Variants in KCNT2 observed in about 807,000 individuals in gnomAD.
KCNT2 encodes the protein potassium sodium-activated channel subfamily T member 2.
A neutral mutation model predicts 153.8 loss-of-function variants in KCNT2; 67 were observed. The ratio of observed to expected loss-of-function variants is 0.44; its 90% CI spans 0.36 to 0.53. The LOEUF (loss-of-function observed/expected upper bound fraction) is 0.53. KCNT2 is among the 20% of genes least tolerant of loss of function. The probability of loss-of-function intolerance (pLI) is 0.00; values close to 1 mark genes in which losing one functional copy is unlikely to be tolerated. For synonymous variants in KCNT2, 500 were observed against 458.8 expected (o/e 1.09, Z -1.15); for missense variants, 975 against 1,354.8 (o/e 0.72, Z 4.40).
At chr1:196,336,280 T>G (rs963254266) in intron 16 of KCNT2, among the ~76,000 whole-genome samples, 1 of 152,080 alleles carries the variant, frequency 6.6e-6, no homozygotes, top group Non-Finnish European at 1.5e-5. Flanking sequence ...CCTTAGCTTT[T>G]GTAATTATTA....
intron 22 of KCNT2, among the ~76,000 whole-genome samples, chr1:196,295,642 A>T (rs1470520360): frequency 6.6e-6 from 1 of 152,058 alleles, no homozygotes; most frequent in Non-Finnish European, 1.5e-5. Context: ...ACTCCTTTTA[A>T]CTACAGTATA....
At chr1:196,474,237 A>T (rs1678339839) in intron 5 of KCNT2, among the ~76,000 whole-genome samples, 1 of 152,198 alleles carries the variant, frequency 6.6e-6, no homozygotes, top group African/African-American at 2.4e-5. Context: ...GAGCACTTTA[A>T]AAATTATATT....
chr1:196,403,765 A>G (rs1476614179), intron 12 of KCNT2, among the ~76,000 whole-genome samples: 2 of 151,634 alleles, frequency 1.3e-5, no homozygotes, highest in East Asian at 2.0e-4. Flanking sequence ...TTTTTTAAAA[A>G]GTAAGTGAGA....
intron 3 of KCNT2, among the ~76,000 whole-genome samples, chr1:196,486,021 A>G (rs1404858060): frequency 6.6e-6 from 1 of 152,006 alleles, no homozygotes; most frequent in Non-Finnish European, 1.5e-5. Flanking sequence ...TGAATACCTA[A>G]TAAGAAGAGA....
chr1:196,583,245 G>A (rs1413961306), intron 1 of KCNT2, among the ~76,000 whole-genome samples: 1 of 152,106 alleles, frequency 6.6e-6, no homozygotes, highest in Non-Finnish European at 1.5e-5. Context: ...AATGAGATCT[G>A]TAGTGAACCA....
At chr1:196,592,193 T>A (rs868419364) in intron 1 of KCNT2, among the ~76,000 whole-genome samples, 1 of 151,674 alleles carries the variant, frequency 6.6e-6, no homozygotes, top group Non-Finnish European at 1.5e-5. Flanking sequence ...TAAAAAAAAA[T>A]GAGATTCTGT....
chr1:196,592,614 TC>T (rs1456219612), intron 1 of KCNT2, among the ~76,000 whole-genome samples: 2 of 147,310 alleles, frequency 1.4e-5, no homozygotes, highest in African/African-American at 4.9e-5. Flanking sequence ...ATATGTGCTA[TC>T]AAATGCTTCC....
At chr1:196,594,565 G>A (rs956878999) in intron 1 of KCNT2, among the ~76,000 whole-genome samples, 1 of 151,996 alleles carries the variant, frequency 6.6e-6, no homozygotes, top group Non-Finnish European at 1.5e-5. Context: ...GATCCAAAAC[G>A]AATTAAAGAC....
intron 21 of KCNT2, among the ~76,000 whole-genome samples, chr1:196,307,137 T>C (rs535859609): frequency 6.6e-6 from 1 of 152,202 alleles, no homozygotes; most frequent in Admixed American, 6.6e-5. Context: ...TGACCTTAAA[T>C]TCATTACAGA....
chr1:196,358,265 C>G (rs753360129), intron 14 of KCNT2, among the ~76,000 whole-genome samples: 2 of 151,638 alleles, frequency 1.3e-5, no homozygotes, highest in Non-Finnish European at 2.9e-5. Flanking sequence ...AGCAATCACT[C>G]TTTTAATTTC....
intron 1 of KCNT2, among the ~76,000 whole-genome samples, chr1:196,588,263 A>G (rs1388802452): frequency 1.4e-5 from 1 of 71,342 alleles, no homozygotes; most frequent in Non-Finnish European, 4.2e-5. Flanking sequence ...TGTGAATTAA[A>G]TAGATGGGAA....
chr1:196,245,751 A>G (rs931063114), intron 26 of KCNT2, among the ~76,000 whole-genome samples: 2 of 152,196 alleles, frequency 1.3e-5, no homozygotes, highest in African/African-American at 4.8e-5. Flanking sequence ...GTCTCTTAAC[A>G]GAAGAATTAG....
chr1:196,270,850 T>TGTGCGC (rs1657999980), intron 25 of KCNT2, among the ~76,000 whole-genome samples: 1 of 151,622 alleles, frequency 6.6e-6, no homozygotes, highest in African/African-American at 2.4e-5. Flanking sequence ...TGTGTGTGTG[T>TGTGCGC]GCATGTATGT....
chr1:196,243,109 CAAG>C (rs1655104409), intron 26 of KCNT2, among the ~76,000 whole-genome samples: 1 of 152,154 alleles, frequency 6.6e-6, no homozygotes, highest in African/African-American at 2.4e-5. Flanking sequence ...TCACTGATTT[CAAG>C]AAGCAGTTTT....
chr1:196,607,297 T>C (rs1041838635), intron 1 of KCNT2, among the ~76,000 whole-genome samples: 3 of 152,258 alleles, frequency 2.0e-5, no homozygotes, highest in Non-Finnish European at 2.9e-5. Flanking sequence ...AGTATACATG[T>C]ATTATTTTAA....
intron 14 of KCNT2, among the ~76,000 whole-genome samples, chr1:196,352,994 C>A (rs2148227129): frequency 6.6e-6 from 1 of 152,130 alleles, no homozygotes; most frequent in East Asian, 1.9e-4. Context: ...TGTTCAGTTT[C>A]CATGTAGTTG....
intron 13 of KCNT2, among the ~76,000 whole-genome samples, chr1:196,388,269 A>T (rs1167144399): frequency 6.6e-6 from 1 of 151,760 alleles, no homozygotes; most frequent in African/African-American, 2.4e-5. Flanking sequence ...CTATTTGTCT[A>T]TCATTATGAT....
intron 1 of KCNT2, among the ~76,000 whole-genome samples, chr1:196,579,640 G>A (rs997142815): frequency 6.6e-5 from 10 of 151,912 alleles, no homozygotes; most frequent in South Asian, 4.2e-4. Flanking sequence ...TTACAAGCAT[G>A]TGCCACCACA....
chr1:196,376,563 A>ATTCAAACTCTGATGTTC (rs1668985856), intron 13 of KCNT2, among the ~76,000 whole-genome samples: 1 of 151,766 alleles, frequency 6.6e-6, no homozygotes, highest in Non-Finnish European at 1.5e-5. Context: ...GTGGACTGTT[A>ATTCAAACTCTGATGTTC]TTCAAACTCT....
Sources: allele counts gnomAD v4.1 joint callset (sites outside exome capture counted in the v4.1 genomes callset), GRCh38; gene constraint gnomAD v4.1.1; transcripts MANE v1.5; gene names NCBI Gene and HGNC (gene_info 2026-07-23, HGNC 2026-07-21).